QSOX1: variants seen among roughly 807,000 people sequenced by gnomAD.
QSOX1 encodes quiescin sulfhydryl oxidase 1.
Under a neutral mutation model 76.1 loss-of-function variants are expected in QSOX1, and 40 were observed. That is an observed-to-expected ratio of 0.53 (90% confidence interval 0.41 to 0.68). The LOEUF (loss-of-function observed/expected upper bound fraction) is 0.68. QSOX1 is among the 30% of genes least tolerant of loss of function. QSOX1 has a pLI of 0.00. For missense variants in QSOX1, 931 were observed against 974.3 expected (o/e 0.96, Z 0.59); for synonymous variants, 392 against 413.1 (o/e 0.95, Z 0.62).
At position 180,186,139 on chromosome 1, in the gene QSOX1, A is replaced by G. The variant is rs750523643; in HGVS notation, c.974A>G (p.Gln325Arg). 2.5e-6 allele frequency: 4 copies of G among 1,614,144 alleles called. No individual in the cohort carries two copies. ...GGCAGGTTCCCGGTCCTGGAAGGGC[A>G]GCGCCTGGTGGCCCTGAAAAAGTTT... The part of the protein sequence containing the change: ...EVGRFPVLEG[Q>R]RLVALKKFVA... Residue 325 changes from glutamine (Q) to arginine (R), a missense_variant, in exon 8 of 12, where the codon CAG (glutamine) becomes CGG (arginine). By Grantham distance (43) the Gln-to-Arg change is conservative. Coordinates refer to ENST00000367602, the MANE Select transcript of QSOX1 (RefSeq NM_002826.5).
chr1:180,194,417 T>A, intron 11 of QSOX1, 25 bp downstream of exon 11: 1 of 1,510,534 alleles, frequency 6.6e-7, no homozygotes, highest in Admixed American at 2.0e-5. Context: ...TCCCCAAGGC[T>A]GGAGTCACTT....
intron 5 of QSOX1, among the ~76,000 whole-genome samples, chr1:180,180,593 C>T (rs184816496): frequency 1.3e-5 from 2 of 152,256 alleles, no homozygotes; most frequent in African/African-American, 4.8e-5. Context: ...TGGCTCACTG[C>T]AAGCTCCACC....
chr1:180,194,015 G>A (rs1345548320), intron 10 of QSOX1, among the ~76,000 whole-genome samples, 198 bp from the exon 11 acceptor site: 1 of 152,112 alleles, frequency 6.6e-6, no homozygotes, highest in East Asian at 1.9e-4. Flanking sequence ...GGGGGATGGG[G>A]TCTCCTGTAA....
intron 6 of QSOX1, among the ~76,000 whole-genome samples, chr1:180,182,967 C>T (rs935048351): frequency 3.9e-5 from 6 of 152,180 alleles, no homozygotes; most frequent in Non-Finnish European, 5.9e-5. Context: ...ACCCACACGG[C>T]GCCGGGCAGG....
In QSOX1 at chr1:180,198,640, G is replaced by A. The variant is rs1305889128; in HGVS notation, c.*1603G>A. ...GGCAGTCTCCCTGCATGTTTCCCTC[G>A]ACCTCTTTAGCTGCAGCGCCTTGCT... On this transcript the variant is annotated 3_prime_UTR_variant, in exon 12 of 12. Coordinates refer to ENST00000367602, the MANE Select transcript of QSOX1 (RefSeq NM_002826.5). The A allele has an allele frequency of 4.9e-5, 17 of 348,216 alleles. No homozygotes were observed. The highest frequency in any genetic ancestry group is 3.4e-4 in the Admixed American group (9 of 26,530). The allele number at this position is 348,216 out of a possible 1,614,324, so 21.6% of individuals were successfully genotyped here.
intron 1 of QSOX1, among the ~76,000 whole-genome samples, chr1:180,156,220 G>A (rs142579635): frequency 6.6e-5 from 10 of 152,342 alleles, no homozygotes; most frequent in African/African-American, 2.4e-4. Flanking sequence ...TTCCTGTGGT[G>A]TCACACATCC....
At chr1:180,183,874 C>G in intron 6 of QSOX1, 42 bp from the exon 7 acceptor site, 2 of 1,586,086 alleles carry the variant, frequency 1.3e-6, no homozygotes, top group Non-Finnish European at 1.7e-6. Context: ...ATCTTGTTCT[C>G]TGCACTTACT....
intron 2 of QSOX1, among the ~76,000 whole-genome samples, chr1:180,174,190 C>T (rs751827023): frequency 1.3e-5 from 2 of 152,256 alleles, no homozygotes; most frequent in Non-Finnish European, 2.9e-5. Flanking sequence ...TGGCCGGCTT[C>T]CAGGACAACT....
At position 180,186,163 on chromosome 1, in the gene QSOX1, T is replaced by C. The variant is rs527768719; in HGVS notation, c.998T>C (p.Phe333Ser). 1.2e-4 allele frequency: 190 copies of C among 1,613,690 alleles called. 1 individual carries two copies. Among genetic ancestry groups the C allele is most frequent in the Non-Finnish European group, 1.4e-4 (171 of 1,179,852 alleles). Residue 333 changes from phenylalanine (F) to serine (S), a missense_variant, in exon 8 of 12, where the codon TTT (phenylalanine) becomes TCT (serine). Physicochemically the swap from Phe to Ser is radical, Grantham distance 155 (BLOSUM62 -2). Transcript: ENST00000367602. ...CAGCGCCTGGTGGCCCTGAAAAAGT[T>C]TGTGGCAGTGCTGGCCAAGGTGAGC... ...EGQRLVALKK[F>S]VAVLAKYFPG... is the part of the protein sequence containing the mutation.
Position 180,175,378 on chromosome 1 carries a change from G to C in QSOX1, c.412+12G>C, listed in dbSNP as rs772760588. ...AGCAGTATTTCCAGGTGGGTGCCCA[G>C]CTCTGGTTGTCCTGTTAGCATCTTC... On this transcript the variant is annotated intron_variant, in intron 3 of 11. Coordinates refer to ENST00000367602, the MANE Select transcript of QSOX1 (RefSeq NM_002826.5). 3.7e-6 allele frequency: 6 copies of C among 1,613,108 alleles called. No individual in the cohort carries two copies. In the South Asian group the frequency reaches 6.6e-5, roughly 18 times the overall value.
At chr1:180,188,767 T>C (rs1663234643) in intron 8 of QSOX1, among the ~76,000 whole-genome samples, 1 of 152,244 alleles carries the variant, frequency 6.6e-6, no homozygotes, top group Admixed American at 6.5e-5. Flanking sequence ...TTTCTCAGGG[T>C]CCTCATCCCC....
intron 2 of QSOX1, among the ~76,000 whole-genome samples, chr1:180,168,982 G>A (rs1662701866): frequency 6.6e-6 from 1 of 152,264 alleles, no homozygotes; most frequent in Non-Finnish European, 1.5e-5. Flanking sequence ...GATGGGGACA[G>A]GCCCACACAC....
At chr1:180,186,858 G>A (rs1663187782) in intron 8 of QSOX1, among the ~76,000 whole-genome samples, 1 of 152,250 alleles carries the variant, frequency 6.6e-6, no homozygotes, top group African/African-American at 2.4e-5. Flanking sequence ...CCTTGAGCCT[G>A]TGCTCCTTCC....
intron 8 of QSOX1, among the ~76,000 whole-genome samples, chr1:180,187,855 T>C: frequency 6.6e-6 from 1 of 152,214 alleles, no homozygotes; most frequent in East Asian, 1.9e-4. Context: ...AGACCCTCTG[T>C]TTGGGTTTTG....
chr1:180,180,933 T>C (rs1382736518), intron 5 of QSOX1, among the ~76,000 whole-genome samples: 1 of 152,146 alleles, frequency 6.6e-6, no homozygotes. Flanking sequence ...GTTGGTGGTA[T>C]TATTATTATT....
intron 2 of QSOX1, among the ~76,000 whole-genome samples, chr1:180,170,952 C>G (rs908305489): frequency 6.6e-6 from 1 of 152,108 alleles, no homozygotes; most frequent in Non-Finnish European, 1.5e-5. Flanking sequence ...TTCATTGCAG[C>G]TGGAGTGGCG....
intron 9 of QSOX1, 115 bp from the exon 10 acceptor site, chr1:180,190,318 G>C (rs984067246): frequency 8.4e-6 from 10 of 1,195,560 alleles, no homozygotes; most frequent in Non-Finnish European, 1.2e-5. Flanking sequence ...CCACCTTCGA[G>C]GTGATAGACT....
chr1:180,187,859 G>A (rs751672323), intron 8 of QSOX1, among the ~76,000 whole-genome samples: 2 of 152,228 alleles, frequency 1.3e-5, no homozygotes, highest in African/African-American at 4.8e-5. Flanking sequence ...CCTCTGTTTG[G>A]GTTTTGCCCG....
chr1:180,188,431 CCTT>C (rs1663226865), intron 8 of QSOX1, among the ~76,000 whole-genome samples: 1 of 152,252 alleles, frequency 6.6e-6, no homozygotes, highest in East Asian at 1.9e-4. Flanking sequence ...ATTCATCCAT[CCTT>C]CTGGCACTGT....
Sources: allele counts gnomAD v4.1 joint callset (sites outside exome capture counted in the v4.1 genomes callset), GRCh38; gene constraint gnomAD v4.1.1; transcripts MANE v1.5; gene names NCBI Gene and HGNC (gene_info 2026-07-23, HGNC 2026-07-21).